Variants in GCSH observed in about 807,000 individuals in gnomAD.
GCSH encodes glycine cleavage system protein H.
GCSH carries 15 observed loss-of-function variants against 21.3 expected under a neutral mutation model. The ratio of observed to expected loss-of-function variants is 0.70; its 90% confidence interval spans 0.47 to 1.08. The LOEUF (loss-of-function observed/expected upper bound fraction) is 1.08, where lower values mean the gene tolerates loss of function less well. Among genes scored for constraint, GCSH ranks in the 50% least tolerant of loss-of-function variants. The probability of loss-of-function intolerance (pLI) is 0.00; values close to 1 mark genes in which losing one functional copy is unlikely to be tolerated. For missense variants in GCSH, 179 were observed against 217.5 expected (o/e 0.82, Z 1.11); for synonymous variants, 59 against 84.5 (o/e 0.70, Z 1.66).
intron 2 of GCSH, 39 bp downstream of exon 2, chr16:81,090,562 A>G: frequency 1.5e-6 from 2 of 1,326,822 alleles, no homozygotes; most frequent in South Asian, 2.3e-5. Context: ...AAATCATGCA[A>G]GAGCACACTG....
chr16:81,084,223 C>T, intron 4 of GCSH: 4 of 595,584 alleles, frequency 6.7e-6, no homozygotes, highest in Non-Finnish European at 8.9e-6. Context: ...AAGCAATCCA[C>T]CCACCTTGGC....
At chr16:81,089,754 A>G (rs186703204) in intron 2 of GCSH, among the ~76,000 whole-genome samples, 1 of 152,276 alleles carries the variant, frequency 6.6e-6, no homozygotes, top group Admixed American at 6.5e-5. Flanking sequence ...TTTTCTCTTA[A>G]ACAGTATCGC....
Position 81,096,257 on chromosome 16 carries a change from T to C in GCSH, c.22A>G (p.Ser8Gly), listed in dbSNP as rs546860042. ...AGGGTGCAGAGCAGGGCCCGCACGC[T>C]CCGCACCACTCGCAGCGCCATGTTC... MALRVVRSVRALLCTLRA... is the reference protein window; with the variant it reads MALRVVRGVRALLCTLRA... Residue 8 changes from serine (S) to glycine (G), a missense_variant, in exon 1 of 5, where the codon AGC becomes GGC. Physicochemically the swap from Ser to Gly is moderately conservative, Grantham distance 56 (BLOSUM62 0). Transcript: ENST00000315467. 223 of 1,363,176 alleles carry C rather than the reference T, an allele frequency of 1.6e-4. No individual in the cohort carries two copies. The South Asian group carries it at 3.4e-3, about 21-fold the overall frequency. The allele number at this position is 1,363,176 out of a possible 1,614,324, so 84.4% of individuals were successfully genotyped here.
rs371364013 is a variant in GCSH, at chr16:81,087,660, G to A, written c.233C>T (p.Ala78Val). Residue 78 changes from alanine to valine, a missense_variant, in exon 3 of 5, where the codon GCG becomes GTG. By Grantham distance (64) the Ala-to-Val change is moderately conservative. Coordinates refer to ENST00000315467, the MANE Select transcript of GCSH (RefSeq NM_004483.5). ...TVGISNFAQE[A>V]LGDVVYCSLP... ...ACTACAATAAACAACATCTCCCAACGCTTCCTAAATAAAACAAGACAAAAC... is the reference window on the plus strand; with the variant it reads ...ACTACAATAAACAACATCTCCCAACACTTCCTAAATAAAACAAGACAAAAC... The A allele has an allele frequency of 8.1e-6, 13 of 1,610,078 alleles. No homozygotes were observed. Among genetic ancestry groups the A allele is most frequent in the African/African-American group, 2.7e-5 (2 of 74,682 alleles).
intron 3 of GCSH, among the ~76,000 whole-genome samples, chr16:81,087,064 T>A (rs1972294898): frequency 6.6e-6 from 1 of 152,076 alleles, no homozygotes; most frequent in African/African-American, 2.4e-5. Flanking sequence ...ATTAATAGAC[T>A]TTTTTTCTCT....
Position 81,084,566 on chromosome 16 carries a change from T to C in GCSH, c.321A>G (p.Lys107=). Residue 107 remains lysine, a synonymous_variant, in exon 4 of 5, where the codon AAA becomes AAG. Coordinates refer to ENST00000315467, the MANE Select transcript of GCSH (RefSeq NM_004483.5). ...QDEFGALESV[K]AASELYSPLS... ...AAGGAGAATAGAGTTCACTAGCAGCTTTCACACTTTCCAAAGCACCAAACT... is the reference window on the plus strand; with the variant it reads ...AAGGAGAATAGAGTTCACTAGCAGCCTTCACACTTTCCAAAGCACCAAACT... 1 of 1,606,662 alleles carries C rather than the reference T, an allele frequency of 6.2e-7. No homozygotes were observed.
At chr16:81,087,300 C>T (rs747535181) in intron 3 of GCSH, among the ~76,000 whole-genome samples, 1 of 152,010 alleles carries the variant, frequency 6.6e-6, no homozygotes, top group African/African-American at 2.4e-5. Flanking sequence ...CCAAGGCGGG[C>T]GGATCACTCG....
intron 1 of GCSH, 27 bp downstream of exon 1, chr16:81,096,104 A>G: frequency 1.6e-6 from 2 of 1,242,942 alleles, no homozygotes; most frequent in Non-Finnish European, 2.0e-6. Flanking sequence ...GGGAGGGAGC[A>G]GCCGCCCACG....
intron 1 of GCSH, among the ~76,000 whole-genome samples, chr16:81,095,674 AG>A (rs1223714046): frequency 1.1e-5 from 1 of 94,948 alleles, no homozygotes; most frequent in Non-Finnish European, 2.4e-5. Flanking sequence ...AATTTTAATA[AG>A]CGCTTCTGTT....
chr16:81,087,465 TC>T, intron 3 of GCSH, 135 bp downstream of exon 3: 1 of 716,900 alleles, frequency 1.4e-6, no homozygotes, highest in Admixed American at 2.1e-5. Flanking sequence ...GCCACTGCAC[TC>T]CAGCCTGGGT....
At chr16:81,090,550 G>T in intron 2 of GCSH, 51 bp downstream of exon 2, 1 of 1,223,964 alleles carries the variant, frequency 8.2e-7, no homozygotes, top group Non-Finnish European at 1.2e-6. Context: ...TAGAGATAAA[G>T]CAAATCATGC....
chr16:81,090,709 A>C (rs1214550545), intron 1 of GCSH, 29 bp from the exon 2 acceptor site: 1 of 1,470,704 alleles, frequency 6.8e-7, no homozygotes, highest in Non-Finnish European at 9.5e-7. Context: ...ATTTCAGAAA[A>C]GCAGTAGCAT....
At chr16:81,090,536 AAGGT>A in intron 2 of GCSH, 61 bp downstream of exon 2, 1 of 1,107,630 alleles carries the variant, frequency 9.0e-7, no homozygotes, top group Non-Finnish European at 1.4e-6. Flanking sequence ...CACTTTTAAA[AAGGT>A]AGAGATAAAG....
At chr16:81,083,276 G>A in intron 4 of GCSH, 1 of 339,790 alleles carries the variant, frequency 2.9e-6, no homozygotes, top group African/African-American at 2.1e-5. Flanking sequence ...CCAGTACTTT[G>A]GGAAGCGAAG....
intron 4 of GCSH, 73 bp downstream of exon 4, chr16:81,084,390 A>G: frequency 8.5e-7 from 1 of 1,170,038 alleles, no homozygotes; most frequent in Non-Finnish European, 1.3e-6. Flanking sequence ...CAATCAGCTA[A>G]ACTTGCTTTA....
intron 2 of GCSH, among the ~76,000 whole-genome samples, chr16:81,089,912 T>G (rs939407704): frequency 6.6e-6 from 1 of 152,192 alleles, no homozygotes; most frequent in Non-Finnish European, 1.5e-5. Context: ...GGCAACACCC[T>G]GCTCTTCTTT....
intron 4 of GCSH, chr16:81,083,244 A>G (rs1196942743): frequency 2.5e-6 from 1 of 399,710 alleles, no homozygotes; most frequent in Non-Finnish European, 4.7e-6. Context: ...AGGGCCGGGC[A>G]CGGTGGCTCA....
chr16:81,091,144 T>C (rs1490192414), intron 1 of GCSH: 1 of 448,766 alleles, frequency 2.2e-6, no homozygotes, highest in Non-Finnish European at 4.4e-6. Context: ...CAGGTGCCTC[T>C]TTAGGCAGAG....
At chr16:81,091,927 T>A (rs180693157) in intron 1 of GCSH, among the ~76,000 whole-genome samples, 37 of 152,254 alleles carry the variant, frequency 2.4e-4, no homozygotes, top group Admixed American at 2.2e-3. Context: ...GCCAAGTATA[T>A]AATTCAATAT....
Sources: allele counts gnomAD v4.1 joint callset (sites outside exome capture counted in the v4.1 genomes callset), GRCh38; gene constraint gnomAD v4.1.1; transcripts MANE v1.5; gene names NCBI Gene and HGNC (gene_info 2026-07-23, HGNC 2026-07-21).